PLA2G4B: variants seen among roughly 807,000 people sequenced by gnomAD.
The protein encoded by PLA2G4B is phospholipase A2 group IVB, also known as cytosolic phospholipase A2 beta.
PLA2G4B carries 122 observed loss-of-function variants against 95.8 expected under a neutral mutation model. That is an observed-to-expected ratio of 1.27 (90% CI 1.10 to 1.48). The LOEUF is 1.48. Among genes scored for constraint, PLA2G4B ranks in the 40% most tolerant of loss-of-function variants. PLA2G4B has a pLI of 0.00. For synonymous variants in PLA2G4B, 518 were observed against 421.5 expected (o/e 1.23, Z -2.80); for missense variants, 1,158 against 996.2 (o/e 1.16, Z -2.19).
chr15:41,847,733 C>G lies in PLA2G4B; in HGVS notation c.2219C>G (p.Thr740Ser). The change falls in exon 20 of 20, where the codon ACC becomes AGC. Residue 740 changes from threonine to serine, a missense_variant. Thr to Ser is a moderately conservative substitution (Grantham distance 58, BLOSUM62 1). Coordinates refer to ENST00000458483, the MANE Select transcript of PLA2G4B (RefSeq NM_001114633.2). ...TCTCCCTACCACTACACGAAGGTGA[C>G]CTACAGCCAGGAGGACGTGGACAAG... ...SDSPYHYTKV[T>S]YSQEDVDKLL... The G allele has an allele frequency of 6.2e-7, 1 of 1,611,900 alleles. No individual in the cohort carries two copies. The highest frequency in any genetic ancestry group is 8.5e-7 in the Non-Finnish European group (1 of 1,180,034).
At chr15:41,845,378 C>T (rs1648828) in intron 14 of PLA2G4B, 58 bp downstream of exon 14, 1,259,906 of 1,583,692 alleles carry the variant, frequency 0.8, 503,738 homozygotes, top group East Asian at 0.88. Context: ...AAGGGGAGAA[C>T]GAGGACTGTG....
Position 41,844,541 on chromosome 15 carries a change from C to G in PLA2G4B, c.950C>G (p.Ala317Gly). The stretch of plus-strand genomic sequence containing the variant: ...ATGACTTCCCTGTATGGGCAGCTGG[C>G]TGGCCTGAAGGAGCTGGGCCTCTTG... Reference protein sequence around the residue: ...RAMTSLYGQLAGLKELGLLDC... With the variant: ...RAMTSLYGQLGGLKELGLLDC... Residue 317 changes from alanine to glycine, a missense_variant, in exon 12 of 20, where the codon GCT becomes GGT. Transcript: ENST00000458483. 5 of 1,614,160 alleles carry G rather than the reference C, an allele frequency of 3.1e-6. No individual in the cohort carries two copies. Among genetic ancestry groups the G allele is most frequent in the Non-Finnish European group, 4.2e-6 (5 of 1,180,014 alleles).
In PLA2G4B at chr15:41,846,006, G is replaced by A; in HGVS notation, c.1559G>A (p.Ser520Asn). Residue 520 changes from serine (S) to asparagine (N), a missense_variant, in exon 16 of 20, where the codon AGC becomes AAC. Coordinates refer to ENST00000458483, the MANE Select transcript of PLA2G4B (RefSeq NM_001114633.2). ...AGCTTATACTGGGCCTCAGAGCCCA[G>A]CCAGTTCTGGGACCGCTGGGTCAGG... The part of the protein sequence containing the change: ...QDSLYWASEP[S>N]QFWDRWVRNQ... The A allele has an allele frequency of 6.5e-7, 1 of 1,528,988 alleles. No individual in the cohort carries two copies. Among genetic ancestry groups the A allele is most frequent in the Non-Finnish European group, 8.8e-7 (1 of 1,138,752 alleles). 94.7% of individuals were successfully genotyped at this position (1,528,988 alleles called of 1,614,324 possible). A position where few individuals can be genotyped will look rare whatever the true frequency, so the allele number is the denominator to read the frequency against.
rs761318958 is a variant in PLA2G4B, at chr15:41,846,284, T to C, written c.1682T>C (p.Leu561Pro). The change falls in exon 17 of 20, where the codon CTG becomes CCG. Residue 561 changes from leucine to proline, a missense_variant. Transcript: ENST00000458483. Reference protein sequence around the residue: ...GRIAEFFTDLLTWRPLAQATH... With the variant: ...GRIAEFFTDLPTWRPLAQATH... Reference sequence around the variant, plus strand: ...ATAGCTGAGTTTTTCACCGATCTTCTGACGTGGCGTCCACTGGCCCAGGCC... The same window carrying C: ...ATAGCTGAGTTTTTCACCGATCTTCCGACGTGGCGTCCACTGGCCCAGGCC... 1.2e-6 allele frequency: 2 copies of C among 1,614,132 alleles called. No individual in the cohort carries two copies. Among genetic ancestry groups the C allele is most frequent in the South Asian group, 1.1e-5 (1 of 91,090 alleles).
At chr15:41,845,106 A>AAGGGCT in intron 13 of PLA2G4B, 36 bp downstream of exon 13, 1 of 1,599,856 alleles carries the variant, frequency 6.3e-7, no homozygotes, top group African/African-American at 1.3e-5. Context: ...GAGCCAGGGC[A>AAGGGCT]AGGGCTGGAG....
Position 41,840,872 on chromosome 15 carries a change from G to A in PLA2G4B, c.318G>A (p.Glu106=). ...ATGCGGGGACTCTGCGGGCTGGGGAGTTCCGGCGCGAGAGCTTCTCACTGA... is the reference window on the plus strand; with the variant it reads ...ATGCGGGGACTCTGCGGGCTGGGGAATTCCGGCGCGAGAGCTTCTCACTGA... ...LFDAGTLRAG[E]FRRESFSLSP... Residue 106 remains glutamate, a synonymous_variant, in exon 4 of 20, where the codon GAG becomes GAA. Transcript: ENST00000458483. The A allele has an allele frequency of 2.5e-6, 4 of 1,613,812 alleles. No homozygotes were observed. The highest frequency in any genetic ancestry group is 2.5e-6 in the Non-Finnish European group (3 of 1,179,776).
chr15:41,839,247 T>G, intron 1 of PLA2G4B: 1 of 257,792 alleles, frequency 3.9e-6, no homozygotes, highest in Non-Finnish European at 7.5e-6. Flanking sequence ...TCTGACTCAG[T>G]TGCCTGGAGT....
intron 11 of PLA2G4B, among the ~76,000 whole-genome samples, 165 bp downstream of exon 11, chr15:41,843,976 G>A (rs1337473324): frequency 6.6e-6 from 1 of 152,242 alleles, no homozygotes; most frequent in African/African-American, 2.4e-5. Context: ...TACAGGCAGA[G>A]TGTTGCTTGA....
At chr15:41,842,413 CCT>C in intron 9 of PLA2G4B, 137 bp downstream of exon 9, 1 of 1,546,834 alleles carries the variant, frequency 6.5e-7, no homozygotes, top group Non-Finnish European at 8.7e-7. Flanking sequence ...TGGGGAGTGT[CCT>C]CTGAGCATCC....
At position 41,846,678 on chromosome 15, in the gene PLA2G4B, T is replaced by G. The variant is rs748864465; in HGVS notation, c.1790T>G (p.Leu597Arg). Residue 597 changes from leucine to arginine, a missense_variant, in exon 18 of 20, where the codon CTG becomes CGG. Coordinates refer to ENST00000458483, the MANE Select transcript of PLA2G4B (RefSeq NM_001114633.2). The stretch of plus-strand genomic sequence containing the variant: ...CTCCCCAACCTTCCAGCTACCACTC[T>G]GGATGGGCTCCCCAACCAGCTGACA... ...PHFSTWKATTLDGLPNQLTPS... is the reference protein window; with the variant it reads ...PHFSTWKATTRDGLPNQLTPS... The G allele has an allele frequency of 3.1e-6, 5 of 1,610,386 alleles. No individual in the cohort carries two copies. The highest frequency in any genetic ancestry group is 4.2e-6 in the Non-Finnish European group (5 of 1,177,480).
intron 1 of PLA2G4B, 138 bp downstream of exon 1, chr15:41,839,060 C>A: frequency 1.6e-6 from 1 of 639,214 alleles, no homozygotes; most frequent in Non-Finnish European, 2.6e-6. Context: ...ACCAGGGTAG[C>A]GGGCAGAAGC....
chr15:41,840,914 G>T lies in PLA2G4B; in HGVS notation c.351+9G>T, dbSNP rs1306999353. ...TCTCACTGAGCCCTCAGGCAAGGCGGTGTTTCCACGGCAGCCCTAGCTGGT... is the reference window on the plus strand; with the variant it reads ...TCTCACTGAGCCCTCAGGCAAGGCGTTGTTTCCACGGCAGCCCTAGCTGGT... On this transcript the variant is annotated intron_variant, in intron 4 of 19. Coordinates refer to ENST00000458483, the MANE Select transcript of PLA2G4B (RefSeq NM_001114633.2). The T allele has an allele frequency of 6.2e-7, 1 of 1,611,320 alleles. No homozygotes were observed. The highest frequency in any genetic ancestry group is 1.1e-5 in the South Asian group (1 of 90,912).
At chr15:41,842,897 G>T in intron 10 of PLA2G4B, 1 of 385,252 alleles carries the variant, frequency 2.6e-6, no homozygotes, top group Non-Finnish European at 4.6e-6. Context: ...TTGGGGCGCA[G>T]AGAGGGCAGG....
At position 41,841,498 on chromosome 15, in the gene PLA2G4B, G is replaced by A; in HGVS notation, c.436-19G>A. 6.2e-7 allele frequency: 1 copy of A among 1,614,034 alleles called. No homozygotes were observed. Among genetic ancestry groups the A allele is most frequent in the Non-Finnish European group, 8.5e-7 (1 of 1,179,998 alleles). On this transcript the variant is annotated intron_variant, in intron 6 of 19. Transcript: ENST00000458483. Reference sequence around the variant, plus strand: ...TGGGGGGTGGGGTTAGTGTCTGAGGGGCTGTCTTCATGACTCAGGCCCGGG... The same window carrying A: ...TGGGGGGTGGGGTTAGTGTCTGAGGAGCTGTCTTCATGACTCAGGCCCGGG...
chr15:41,847,951 T>C lies in PLA2G4B; in HGVS notation c.*91T>C, dbSNP rs2065609010. 2.0e-6 allele frequency: 3 copies of C among 1,484,338 alleles called. No homozygotes were observed. Among genetic ancestry groups the C allele is most frequent in the Non-Finnish European group, 2.7e-6 (3 of 1,113,060 alleles). The allele number at this position is 1,484,338 out of a possible 1,614,324, so 91.9% of individuals were successfully genotyped here. Reference sequence around the variant, plus strand: ...TGTCATCACGCAGTGCTTCAGAGCCTCGGGCTCAGGTGGCACGGTCCCAGG... The same window carrying C: ...TGTCATCACGCAGTGCTTCAGAGCCCCGGGCTCAGGTGGCACGGTCCCAGG... On this transcript the variant is annotated 3_prime_UTR_variant, in exon 20 of 20. Transcript: ENST00000458483.
intron 1 of PLA2G4B, chr15:41,839,955 G>A (rs542094110): frequency 1.1e-5 from 7 of 610,910 alleles, no homozygotes; most frequent in South Asian, 6.9e-5. Flanking sequence ...GCCCAGAGCC[G>A]GCGCAGAGCA....
At chr15:41,847,577 C>T (rs1032235863) in intron 19 of PLA2G4B, 54 bp downstream of exon 19, 43 of 1,608,256 alleles carry the variant, frequency 2.7e-5, no homozygotes, top group Middle Eastern at 1.7e-4. Context: ...ACACCTCCTC[C>T]GTCCCCTGTG....
In PLA2G4B at chr15:41,847,888, C is replaced by CTCAT. The variant is rs751658409; in HGVS notation, c.*35_*38dup. 1 of 1,601,950 alleles carries CTCAT rather than the reference C, an allele frequency of 6.2e-7. No individual in the cohort carries two copies. Among genetic ancestry groups the CTCAT allele is most frequent in the African/African-American group, 1.3e-5 (1 of 74,670 alleles). ...GCCGGGGCCCCTGCCACCCCTAACTCTCATTCATTCCCTGGCTGCTGAGTT... is the reference window on the plus strand; with the variant it reads ...GCCGGGGCCCCTGCCACCCCTAACTCTCATTCATTCATTCCCTGGCTGCTGAGTT... On this transcript the variant is annotated 3_prime_UTR_variant, in exon 20 of 20. Transcript: ENST00000458483.
Position 41,842,211 on chromosome 15 carries a change from C to G in PLA2G4B, c.640C>G (p.Leu214Val). The change falls in exon 9 of 20, where the codon CTA (leucine) becomes GTA (valine). Residue 214 changes from leucine (L) to valine (V), a missense_variant. By Grantham distance (32) the Leu-to-Val change is conservative. Transcript: ENST00000458483. ...CCTGCAGGATGCCCCCGAGGAGCAA[C>G]TAAAGGCGCCACTGAGTGCCCTGCC... The part of the protein sequence containing the change: ...IRLQDAPEEQ[L>V]KAPLSALPSG... 6.2e-7 allele frequency: 1 copy of G among 1,614,086 alleles called. No individual in the cohort carries two copies. The highest frequency in any genetic ancestry group is 2.2e-5 in the East Asian group (1 of 44,878).
Sources: allele counts gnomAD v4.1 joint callset (sites outside exome capture counted in the v4.1 genomes callset), GRCh38; gene constraint gnomAD v4.1.1; transcripts MANE v1.5; gene names NCBI Gene and HGNC (gene_info 2026-07-23, HGNC 2026-07-21).